CPT1A: variants seen among roughly 807,000 people sequenced by gnomAD.
CPT1A encodes carnitine palmitoyltransferase 1A.
Under a neutral mutation model 100.8 loss-of-function variants are expected in CPT1A, and 64 were observed. The observed-to-expected ratio is 0.63, with a 90% CI of 0.52 to 0.78. The LOEUF (loss-of-function observed/expected upper bound fraction) is 0.78, where lower values mean the gene tolerates loss of function less well. Ranked by LOEUF, CPT1A falls within the 30% of genes least tolerant of loss-of-function variation. The probability of loss-of-function intolerance (pLI) is 0.00; values close to 1 mark genes in which losing one functional copy is unlikely to be tolerated. For missense variants in CPT1A, 802 were observed against 1,034.1 expected (o/e 0.78, Z 3.08); for synonymous variants, 363 against 396.0 (o/e 0.92, Z 0.99).
rs757335881 is a variant in CPT1A, at chr11:68,780,760, CAT to C, written c.1353-17_1353-16del. 1.6e-5 allele frequency: 25 copies of C among 1,608,262 alleles called. No individual in the cohort carries two copies. Among genetic ancestry groups the C allele is most frequent in the South Asian group, 1.3e-4 (12 of 90,960 alleles). On this transcript the variant is annotated splice_polypyrimidine_tract_variant and intron_variant, in intron 11 of 18. Coordinates refer to ENST00000265641, the MANE Select transcript of CPT1A (RefSeq NM_001876.4). Reference sequence around the variant, plus strand: ...TGTCAAACCACCTACGTGAAACACACATGTGTGGAACTTAAGTGTTTAAAGAG... The same window carrying C: ...TGTCAAACCACCTACGTGAAACACACGTGTGGAACTTAAGTGTTTAAAGAG...
Position 68,825,623 on chromosome 11 carries a change from A to G in CPT1A, c.-13-10136T>C, listed in dbSNP as rs562470159. Among the ~76,000 whole-genome samples, 15 of 152,196 alleles carry G rather than the reference A, an allele frequency of 9.9e-5. No homozygotes were observed. In the South Asian group the frequency reaches 3.1e-3, roughly 32 times the overall value. ...TTTTTATGACCCTGGTGTAAAAAGG[A>G]TGAGAAAGGAAAAGCAGGGCCTCCC... On this transcript the variant is annotated intron_variant, in intron 1 of 18. Coordinates refer to ENST00000265641, the MANE Select transcript of CPT1A (RefSeq NM_001876.4).
At chr11:68,758,585 T>A (rs188687863) in intron 18 of CPT1A, among the ~76,000 whole-genome samples, 2 of 151,582 alleles carry the variant, frequency 1.3e-5, no homozygotes, top group African/African-American at 4.8e-5. Flanking sequence ...CCAACAGAGG[T>A]AAACATGTTA....
intron 7 of CPT1A, among the ~76,000 whole-genome samples, 160 bp downstream of exon 7, chr11:68,796,696 C>G (rs927693335): frequency 1.3e-5 from 2 of 152,200 alleles, no homozygotes; most frequent in Non-Finnish European, 2.9e-5. Context: ...CTGAAGGGTA[C>G]TCATAGGGTT....
intron 1 of CPT1A, among the ~76,000 whole-genome samples, chr11:68,838,572 TAAAAA>T (rs1210532617): frequency 1.6e-4 from 15 of 95,522 alleles, no homozygotes; most frequent in African/African-American, 6.1e-4. Context: ...TGCACCTTTT[TAAAAA>T]AAAAAAAAAA....
At position 68,787,205 on chromosome 11, in the gene CPT1A, G is replaced by A. The variant is rs560909735; in HGVS notation, c.968-2195C>T. ...TAAACCCAGCACTTTGGGAGGCCGA[G>A]GAAGGCGGATCACGAGGTCAGGAGA... is the stretch of plus-strand genomic sequence containing the variant. On this transcript the variant is annotated intron_variant, in intron 9 of 18. Coordinates refer to ENST00000265641, the MANE Select transcript of CPT1A (RefSeq NM_001876.4). Among the ~76,000 whole-genome samples, 57 of 152,150 alleles carry A rather than the reference G, an allele frequency of 3.7e-4. No homozygotes were observed. The East Asian group carries it at 4.1e-3, about 11-fold the overall frequency.
chr11:68,838,297 G>A lies in CPT1A; in HGVS notation c.-14+3478C>T, dbSNP rs1291606859. Among the ~76,000 whole-genome samples, 7 of 151,986 alleles carry A rather than the reference G, an allele frequency of 4.6e-5. No homozygotes were observed. In the South Asian group the frequency reaches 1.0e-3, roughly 23 times the overall value. ...AAAAGGCAAAGGCAGACACTTCTGA[G>A]GCCGTCAAGATACCCAAATAGGGTA... On this transcript the variant is annotated intron_variant, in intron 1 of 18. Transcript: ENST00000265641.
At chr11:68,835,403 T>C (rs1856985346) in intron 1 of CPT1A, among the ~76,000 whole-genome samples, 1 of 152,228 alleles carries the variant, frequency 6.6e-6, no homozygotes, top group African/African-American at 2.4e-5. Context: ...ATGCATATTC[T>C]TCACCTTTGC....
chr11:68,801,927 T>G (rs1855911666), intron 5 of CPT1A, among the ~76,000 whole-genome samples: 3 of 152,180 alleles, frequency 2.0e-5, no homozygotes, highest in African/African-American at 7.2e-5. Context: ...GGATAAACTG[T>G]GGTCCTTCCA....
At chr11:68,807,747 C>T (rs2154000841) in intron 3 of CPT1A, 109 bp from the exon 4 acceptor site, 1 of 1,076,270 alleles carries the variant, frequency 9.3e-7, no homozygotes, top group Non-Finnish European at 1.4e-6. Context: ...AGCAGCCTGC[C>T]CCAGGTACAG....
At chr11:68,762,316 C>G (rs980995115) in intron 15 of CPT1A, among the ~76,000 whole-genome samples, 3 of 152,240 alleles carry the variant, frequency 2.0e-5, no homozygotes, top group African/African-American at 7.2e-5. Flanking sequence ...TGTTCAGTTC[C>G]AAAGCAGCCA....
chr11:68,812,721 C>A (rs1392206819), intron 2 of CPT1A, 145 bp from the exon 3 acceptor site: 3 of 878,506 alleles, frequency 3.4e-6, no homozygotes, highest in Non-Finnish European at 5.5e-6. Flanking sequence ...AGAAACCACA[C>A]CCCACTAGCT....
At chr11:68,804,413 T>C (rs1855989809) in intron 4 of CPT1A, among the ~76,000 whole-genome samples, 1 of 152,056 alleles carries the variant, frequency 6.6e-6, no homozygotes. Context: ...CTGGGCAACA[T>C]GGCAAAACCC....
intron 1 of CPT1A, among the ~76,000 whole-genome samples, chr11:68,819,237 C>T (rs1856514648): frequency 6.6e-6 from 1 of 152,136 alleles, no homozygotes. Flanking sequence ...TGCCACCACG[C>T]CTGGCTAATT....
At chr11:68,795,788 T>C (rs994938413) in intron 7 of CPT1A, among the ~76,000 whole-genome samples, 3 of 151,758 alleles carry the variant, frequency 2.0e-5, no homozygotes, top group African/African-American at 7.3e-5. Flanking sequence ...CAGGTGCCTG[T>C]AATCCCAGCT....
In CPT1A at chr11:68,832,970, T is replaced by C. The variant is rs555305153; in HGVS notation, c.-14+8805A>G. ...TAGGCAGGGTCAGAAGCAGTGTCTC[T>C]GGCGAAGGGCAGGGCAGTTATCTCA... On this transcript the variant is annotated intron_variant, in intron 1 of 18. Coordinates refer to ENST00000265641, the MANE Select transcript of CPT1A (RefSeq NM_001876.4). 2.0e-5 allele frequency among the ~76,000 whole-genome samples: 3 copies of C among 152,368 alleles called. No individual in the cohort carries two copies. In the East Asian group the frequency reaches 5.8e-4, roughly 29 times the overall value.
At chr11:68,829,363 C>G (rs1856823090) in intron 1 of CPT1A, among the ~76,000 whole-genome samples, 1 of 152,172 alleles carries the variant, frequency 6.6e-6, no homozygotes. Flanking sequence ...TGATTTTCTT[C>G]CATGCCCAGG....
chr11:68,801,997 G>T (rs934629933), intron 5 of CPT1A, among the ~76,000 whole-genome samples: 1 of 152,132 alleles, frequency 6.6e-6, no homozygotes, highest in Non-Finnish European at 1.5e-5. Flanking sequence ...TACAACACGG[G>T]TGAACTCTAA....
At chr11:68,791,051 T>C (rs1006166556) in intron 9 of CPT1A, among the ~76,000 whole-genome samples, 11 of 152,198 alleles carry the variant, frequency 7.2e-5, no homozygotes, top group Non-Finnish European at 1.2e-4. Context: ...GTCGAACTCC[T>C]GACCTCAGGT....
At chr11:68,826,503 G>T (rs1439437541) in intron 1 of CPT1A, among the ~76,000 whole-genome samples, 3 of 151,740 alleles carry the variant, frequency 2.0e-5, no homozygotes, top group East Asian at 3.9e-4. Context: ...GGGAGGCCGA[G>T]GGGGGCAGAT....
Sources: allele counts gnomAD v4.1 joint callset (sites outside exome capture counted in the v4.1 genomes callset), GRCh38; gene constraint gnomAD v4.1.1; transcripts MANE v1.5; gene names NCBI Gene and HGNC (gene_info 2026-07-23, HGNC 2026-07-21).